PTPRQ: variants seen among roughly 807,000 people sequenced by gnomAD.
PTPRQ encodes the protein protein tyrosine phosphatase receptor type Q.
PTPRQ carries 199 observed loss-of-function variants against 246.0 expected under a neutral mutation model. That is an observed-to-expected ratio of 0.81 (90% CI 0.72 to 0.91). The LOEUF (loss-of-function observed/expected upper bound fraction) is 0.91, where lower values mean the gene tolerates loss of function less well. Among genes scored for constraint, PTPRQ ranks in the 40% least tolerant of loss-of-function variants. The probability of loss-of-function intolerance (pLI) is 0.00; values close to 1 mark genes in which losing one functional copy is unlikely to be tolerated. For synonymous variants in PTPRQ, 869 were observed against 853.2 expected, an observed-to-expected ratio of 1.02 and a Z score of -0.32; for missense variants, 2,624 against 2,528.4, an observed-to-expected ratio of 1.04 and a Z score of -0.81.
At chr12:80,649,315 ACTTGAAAAATTTT>A (rs1900178938) in intron 36 of PTPRQ, among the ~76,000 whole-genome samples, 3 of 152,168 alleles carry the variant, frequency 2.0e-5, no homozygotes. Flanking sequence ...CCTTACATTT[ACTTGAAAAATTTT>A]CTTCATTAAA....
At chr12:80,639,413 T>C (rs1009406676) in intron 35 of PTPRQ, among the ~76,000 whole-genome samples, 1 of 152,158 alleles carries the variant, frequency 6.6e-6, no homozygotes, top group Non-Finnish European at 1.5e-5. Flanking sequence ...TTCAAAAATT[T>C]TATGCACCAC....
rs147664503 is a variant in PTPRQ at position 80,576,222 on chromosome 12, A to G, written c.4286-11907A>G. 5.3e-3 allele frequency among the ~76,000 whole-genome samples: 810 copies of G among 151,982 alleles called. 19 individuals carry two copies. Among genetic ancestry groups the G allele is most frequent in the Admixed American group, 4.1e-3 (62 of 15,260 alleles). ...AGTGGCACAATCTCGGCTCACTGCA[A>G]CCTCCACCTACTGGGTTCAAGAGAT... On this transcript the variant is annotated intron_variant, in intron 25 of 44. Transcript: ENST00000644991.
chr12:80,657,812 G>C (rs555197283), intron 38 of PTPRQ, among the ~76,000 whole-genome samples, 173 bp from the exon 39 acceptor site: 1 of 151,844 alleles, frequency 6.6e-6, no homozygotes, highest in Admixed American at 6.6e-5. Context: ...CATATTAATA[G>C]TCATTGTCTC....
intron 37 of PTPRQ, among the ~76,000 whole-genome samples, chr12:80,650,605 T>C (rs1380977198): frequency 3.3e-5 from 5 of 152,000 alleles, no homozygotes; most frequent in Non-Finnish European, 7.4e-5. Flanking sequence ...ATAACAAAAA[T>C]GAGAGAAGAT....
chr12:80,623,847 G>A (rs536585841), intron 33 of PTPRQ, among the ~76,000 whole-genome samples: 2 of 152,082 alleles, frequency 1.3e-5, no homozygotes, highest in Non-Finnish European at 1.5e-5. Context: ...GCTATAAAAG[G>A]GGGGGAGCGC....
intron 26 of PTPRQ, among the ~76,000 whole-genome samples, chr12:80,603,226 T>C (rs1898200327): frequency 6.6e-6 from 1 of 151,688 alleles, no homozygotes; most frequent in Admixed American, 6.6e-5. Context: ...CTGTCACTAT[T>C]CTTATTTAGG....
chr12:80,533,988 C>A (rs1044453547), intron 17 of PTPRQ, 27 bp from the exon 18 acceptor site: 2 of 1,423,520 alleles, frequency 1.4e-6, no homozygotes, highest in Non-Finnish European at 1.8e-6. Flanking sequence ...AAATTCAATT[C>A]TACAGATAAT....
intron 39 of PTPRQ, among the ~76,000 whole-genome samples, chr12:80,667,556 T>C (rs1002372242): frequency 2.6e-5 from 4 of 151,926 alleles, no homozygotes; most frequent in Admixed American, 1.3e-4. Flanking sequence ...AATGATAAAA[T>C]AAACGAGGGT....
intron 1 of PTPRQ, among the ~76,000 whole-genome samples, 153 bp from the exon 2 acceptor site, chr12:80,444,588 G>C (rs1437505731): frequency 6.6e-6 from 1 of 151,170 alleles, no homozygotes; most frequent in African/African-American, 2.4e-5. Flanking sequence ...TAACATATTT[G>C]TATCTTACAA....
chr12:80,484,339 C>G (rs1254065647), intron 8 of PTPRQ, 94 bp from the exon 9 acceptor site: 2 of 1,381,902 alleles, frequency 1.4e-6, no homozygotes, highest in Non-Finnish European at 1.9e-6. Context: ...GTTTATATAT[C>G]TTAAATTGTG....
intron 25 of PTPRQ, among the ~76,000 whole-genome samples, chr12:80,551,962 G>A (rs1176335230): frequency 6.6e-6 from 1 of 151,618 alleles, no homozygotes; most frequent in African/African-American, 2.4e-5. Context: ...CCCTTTCTAT[G>A]ACACATAAAA....
rs1353818665 is a variant in PTPRQ, at chr12:80,468,695, C to T, written c.911-15C>T. The T allele has an allele frequency of 6.6e-7, 1 of 1,518,850 alleles. No homozygotes were observed. The highest frequency in any genetic ancestry group is 8.8e-7 in the Non-Finnish European group (1 of 1,134,268). The allele number at this position is 1,518,850 out of a possible 1,614,324, so 94.1% of individuals were successfully genotyped here. A position where few individuals can be genotyped will look rare whatever the true frequency, so the allele number is the denominator to read the frequency against. On this transcript the variant is annotated splice_polypyrimidine_tract_variant and intron_variant, in intron 6 of 44. Coordinates refer to ENST00000644991, the MANE Select transcript of PTPRQ (RefSeq NM_001145026.2). Reference sequence around the variant, plus strand: ...TAAATATATGTTATGTATTTATTTTCTATAATTATTTTAGTGCCTGAAGGA... The same window carrying T: ...TAAATATATGTTATGTATTTATTTTTTATAATTATTTTAGTGCCTGAAGGA...
chr12:80,469,690 T>C (rs915623191), intron 7 of PTPRQ, among the ~76,000 whole-genome samples: 1 of 152,214 alleles, frequency 6.6e-6, no homozygotes, highest in African/African-American at 2.4e-5. Flanking sequence ...AAGTAACTTA[T>C]GCTCCTAAAA....
intron 43 of PTPRQ, among the ~76,000 whole-genome samples, chr12:80,676,541 C>T (rs981296611): frequency 2.6e-5 from 4 of 152,176 alleles, no homozygotes; most frequent in Admixed American, 1.3e-4. Context: ...ACACTGGAGG[C>T]TGAGACAGGA....
chr12:80,455,637 C>T (rs1183238007), intron 3 of PTPRQ, among the ~76,000 whole-genome samples: 4 of 149,590 alleles, frequency 2.7e-5, no homozygotes, highest in African/African-American at 9.9e-5. Context: ...GTCGCCCAGG[C>T]TGGAGTGCAG....
intron 8 of PTPRQ, 44 bp from the exon 9 acceptor site, chr12:80,484,389 T>A: frequency 7.2e-7 from 1 of 1,398,310 alleles, no homozygotes; most frequent in South Asian, 1.3e-5. Flanking sequence ...GAAAAAATAT[T>A]TTTAATTTCC....
At chr12:80,556,245 T>C (rs921785286) in intron 25 of PTPRQ, among the ~76,000 whole-genome samples, 2 of 152,138 alleles carry the variant, frequency 1.3e-5, no homozygotes, top group Non-Finnish European at 2.9e-5. Context: ...GCTAAGATGG[T>C]TTCGAACTCC....
chr12:80,631,637 T>C (rs1455196983), intron 33 of PTPRQ, among the ~76,000 whole-genome samples: 1 of 152,172 alleles, frequency 6.6e-6, no homozygotes, highest in Non-Finnish European at 1.5e-5. Context: ...CATAGTTTCT[T>C]TGGTGAAAAT....
In PTPRQ at chr12:80,679,646, T is replaced by G. The variant is rs1901254328; in HGVS notation, c.*623T>G. ...TAGGGCTATTTAATTTGCATTGTGATCTTCAGTTTGAGAACCTTAAAAGAA... is the reference window on the plus strand; with the variant it reads ...TAGGGCTATTTAATTTGCATTGTGAGCTTCAGTTTGAGAACCTTAAAAGAA... On this transcript the variant is annotated 3_prime_UTR_variant, in exon 45 of 45. Transcript: ENST00000644991. 6.6e-6 allele frequency: 1 copy of G among 152,038 alleles called. No individual in the cohort carries two copies. The highest frequency in any genetic ancestry group is 1.5e-5 in the Non-Finnish European group (1 of 67,962). The allele number at this position is 152,038 out of a possible 1,614,324, so 9.4% of individuals were successfully genotyped here. A position where few individuals can be genotyped will look rare whatever the true frequency, so the allele number is the denominator to read the frequency against.
Sources: allele counts gnomAD v4.1 joint callset (sites outside exome capture counted in the v4.1 genomes callset), GRCh38; gene constraint gnomAD v4.1.1; transcripts MANE v1.5; gene names NCBI Gene and HGNC (gene_info 2026-07-23, HGNC 2026-07-21).